The following CNTNAP2 variants were observed in gnomAD, a reference collection of about 807,000 sequenced individuals.
The protein encoded by CNTNAP2 is contactin associated protein 2.
Under a neutral mutation model 155.2 loss-of-function variants are expected in CNTNAP2, and 98 were observed. The observed-to-expected ratio is 0.63, with a 90% confidence interval of 0.54 to 0.75. The LOEUF is 0.75. Among genes scored for constraint, CNTNAP2 ranks in the 30% least tolerant of loss-of-function variants. The pLI is 0.00. For missense variants in CNTNAP2, 1,727 were observed against 1,688.1 expected, an observed-to-expected ratio of 1.02 and a Z score of -0.40; for synonymous variants, 651 against 631.2, an observed-to-expected ratio of 1.03 and a Z score of -0.47.
At chr7:147,720,204 GAAGAA>G (rs1796543881) in intron 13 of CNTNAP2, among the ~76,000 whole-genome samples, 1 of 152,186 alleles carries the variant, frequency 6.6e-6, no homozygotes, top group South Asian at 2.1e-4. Context: ...TCTAAGAAAA[GAAGAA>G]AAGAGAGGAA....
intron 1 of CNTNAP2, among the ~76,000 whole-genome samples, chr7:146,435,188 A>C (rs1014213469): frequency 5.3e-5 from 8 of 152,194 alleles, no homozygotes; most frequent in African/African-American, 1.9e-4. Context: ...ATAAAATCTG[A>C]AATTCAGATG....
chr7:147,654,804 A>ATTT (rs1795500468), intron 13 of CNTNAP2, among the ~76,000 whole-genome samples: 2 of 104,024 alleles, frequency 1.9e-5, no homozygotes, highest in African/African-American at 4.4e-5. Context: ...AGCAAAATAT[A>ATTT]TTTCTTTTTT....
At chr7:147,782,814 G>A (rs532577695) in intron 13 of CNTNAP2, among the ~76,000 whole-genome samples, 10 of 152,230 alleles carry the variant, frequency 6.6e-5, no homozygotes, top group African/African-American at 2.4e-4. Context: ...TGCCTTCTCA[G>A]CTATCTACAA....
chr7:146,207,450 A>G (rs550839899), intron 1 of CNTNAP2, among the ~76,000 whole-genome samples: 40 of 152,124 alleles, frequency 2.6e-4, no homozygotes, highest in African/African-American at 9.1e-4. Context: ...GTAGGTTTCC[A>G]TAAATTTTAT....
chr7:147,766,417 A>G (rs1442247485), intron 13 of CNTNAP2, among the ~76,000 whole-genome samples: 1 of 152,132 alleles, frequency 6.6e-6, no homozygotes, highest in African/African-American at 2.4e-5. Context: ...CTTTAGACCT[A>G]TTGAGTAATA....
At chr7:147,174,989 A>T (rs1326097577) in intron 8 of CNTNAP2, among the ~76,000 whole-genome samples, 1 of 152,204 alleles carries the variant, frequency 6.6e-6, no homozygotes, top group African/African-American at 2.4e-5. Flanking sequence ...CGACTCCATC[A>T]TAATGAGGAA....
At chr7:147,098,998 G>T (rs1239553608) in intron 4 of CNTNAP2, among the ~76,000 whole-genome samples, 1 of 151,374 alleles carries the variant, frequency 6.6e-6, no homozygotes, top group African/African-American at 2.4e-5. Context: ...ACCAGAGGTA[G>T]GGAGCTCAGG....
intron 1 of CNTNAP2, among the ~76,000 whole-genome samples, chr7:146,582,186 G>T (rs1441182838): frequency 6.6e-6 from 1 of 152,066 alleles, no homozygotes; most frequent in Non-Finnish European, 1.5e-5. Flanking sequence ...TCAAGAAAAG[G>T]TTTCCCCATA....
intron 3 of CNTNAP2, among the ~76,000 whole-genome samples, chr7:147,042,690 C>T (rs1799282800): frequency 1.3e-5 from 2 of 152,088 alleles, no homozygotes; most frequent in South Asian, 4.1e-4. Context: ...AAGAAGACAA[C>T]ATACTAACAA....
intron 9 of CNTNAP2, among the ~76,000 whole-genome samples, chr7:147,307,241 A>G (rs1436826636): frequency 6.6e-6 from 1 of 152,226 alleles, no homozygotes; most frequent in Non-Finnish European, 1.5e-5. Flanking sequence ...CACATTTAAC[A>G]TATAAATGCT....
chr7:146,703,833 A>G (rs113225530), intron 1 of CNTNAP2, among the ~76,000 whole-genome samples: 3 of 152,098 alleles, frequency 2.0e-5, no homozygotes, highest in Admixed American at 6.6e-5. Flanking sequence ...AGGGGACACA[A>G]ACTTTTGAAC....
chr7:147,787,475 GTATA>G (rs1358790493), intron 13 of CNTNAP2, among the ~76,000 whole-genome samples: 5 of 152,198 alleles, frequency 3.3e-5, no homozygotes, highest in African/African-American at 4.8e-5. Flanking sequence ...AATAGTCATT[GTATA>G]CCACATGGTT....
chr7:146,600,558 T>C (rs347180), intron 1 of CNTNAP2, among the ~76,000 whole-genome samples: 100,472 of 151,948 alleles, frequency 0.66, 34,868 homozygotes, highest in African/African-American at 0.85. Flanking sequence ...AATATCTGTT[T>C]GTAATGTTTT....
intron 20 of CNTNAP2, among the ~76,000 whole-genome samples, chr7:148,262,666 A>T (rs1585225373): frequency 2.0e-5 from 3 of 151,916 alleles, no homozygotes; most frequent in African/African-American, 7.3e-5. Context: ...CCTGAGACCC[A>T]CCCAGGGAAT....
intron 13 of CNTNAP2, among the ~76,000 whole-genome samples, chr7:147,810,383 C>A (rs188429532): frequency 9.9e-5 from 15 of 151,556 alleles, no homozygotes; most frequent in Non-Finnish European, 2.1e-4. Flanking sequence ...TTTCACTTTT[C>A]TGTACTAAAA....
At chr7:147,228,319 G>A (rs1439732543) in intron 8 of CNTNAP2, among the ~76,000 whole-genome samples, 1 of 152,170 alleles carries the variant, frequency 6.6e-6, no homozygotes, top group African/African-American at 2.4e-5. Flanking sequence ...AAAGAAACGT[G>A]TTTGTATGAT....
chr7:147,112,828 TTTGTTGTTG>T (rs142550469), intron 5 of CNTNAP2, among the ~76,000 whole-genome samples: 12 of 151,536 alleles, frequency 7.9e-5, no homozygotes, highest in South Asian at 2.1e-4. Context: ...TGCCCGAAGT[TTTGTTGTTG>T]TTGTTGTTGT....
At chr7:146,180,282 CTTTT>C (rs1450815318) in intron 1 of CNTNAP2, among the ~76,000 whole-genome samples, 4 of 152,098 alleles carry the variant, frequency 2.6e-5, no homozygotes, top group African/African-American at 7.2e-5. Context: ...GCCCGCCTTT[CTTTT>C]TATTTCATTT....
At chr7:147,388,359 C>A (rs1584918015) in intron 9 of CNTNAP2, among the ~76,000 whole-genome samples, 1 of 152,066 alleles carries the variant, frequency 6.6e-6, no homozygotes, top group Non-Finnish European at 1.5e-5. Context: ...TTGGTTTTGC[C>A]CAGCATAGAA....
Sources: allele counts gnomAD v4.1 joint callset (sites outside exome capture counted in the v4.1 genomes callset), GRCh38; gene constraint gnomAD v4.1.1; transcripts MANE v1.5; gene names NCBI Gene and HGNC (gene_info 2026-07-23, HGNC 2026-07-21).